Variants in TMEM237 observed in about 807,000 individuals in gnomAD.
TMEM237 encodes the protein amyotrophic lateral sclerosis 2 (juvenile) chromosome region, candidate 4.
TMEM237 carries 51 observed loss-of-function variants against 59.1 expected under a neutral mutation model. The observed-to-expected ratio is 0.86, with a 90% CI of 0.69 to 1.09. TMEM237 has a LOEUF of 1.09. Among genes scored for constraint, TMEM237 ranks in the 50% least tolerant of loss-of-function variants. TMEM237 has a pLI of 0.00. For missense variants in TMEM237, 475 were observed against 478.3 expected (o/e 0.99, Z 0.06); for synonymous variants, 140 against 166.1 (o/e 0.84, Z 1.21).
At chr2:201,642,705 A>G in intron 1 of TMEM237, 1 of 1,577,722 alleles carries the variant, frequency 6.3e-7, no homozygotes, top group Middle Eastern at 1.7e-4. Flanking sequence ...TCGCGCGCGC[A>G]GGCGCAATGC....
chr2:201,640,930 G>A lies in TMEM237; in HGVS notation c.43-6C>T, dbSNP rs886974025. The A allele has an allele frequency of 6.2e-6, 10 of 1,601,940 alleles. No homozygotes were observed. The Admixed American group carries it at 6.7e-5, about 11-fold the overall frequency. ...GGAAGAGCTCGTGGAGGACGCTGTGGCGGAAAAAATAAATTTGCTTGTAAG... is the reference window on the plus strand; with the variant it reads ...GGAAGAGCTCGTGGAGGACGCTGTGACGGAAAAAATAAATTTGCTTGTAAG... On this transcript the variant is annotated splice_polypyrimidine_tract_variant and splice_region_variant and intron_variant, in intron 1 of 12. Transcript: ENST00000409883.
At position 201,624,449 on chromosome 2, in the gene TMEM237, G is replaced by GT. The variant is rs1957739642; in HGVS notation, c.1160-128dup. Reference sequence around the variant, plus strand: ...ATATATACTAATAGAAAGCCCTCAAGTAAGATTTCTTGACAGTGAAATATG... The same window carrying GT: ...ATATATACTAATAGAAAGCCCTCAAGTTAAGATTTCTTGACAGTGAAATATG... On this transcript the variant is annotated intron_variant, in intron 12 of 12. Transcript: ENST00000409883. The GT allele has an allele frequency of 1.8e-5, 9 of 508,386 alleles. No homozygotes were observed. In the South Asian group the frequency reaches 4.6e-4, roughly 26 times the overall value. The allele number at this position is 508,386 out of a possible 1,614,324, so 31.5% of individuals were successfully genotyped here.
At position 201,635,864 on chromosome 2, in the gene TMEM237, C is replaced by A. The variant is rs1188551643; in HGVS notation, c.274+884G>T. On this transcript the variant is annotated intron_variant, in intron 5 of 12. Transcript: ENST00000409883. The surrounding 1 kb of genome is among the most constrained non-coding windows in gnomAD (Gnocchi z 4.5). ...AGACAACTTGATTTTGGACTTCTCACCTAAGAACTATGAAAAAATAAACTG... is the reference window on the plus strand; with the variant it reads ...AGACAACTTGATTTTGGACTTCTCAACTAAGAACTATGAAAAAATAAACTG... Among the ~76,000 whole-genome samples, 1 of 151,956 alleles carries A rather than the reference C, an allele frequency of 6.6e-6. No individual in the cohort carries two copies. The highest frequency in any genetic ancestry group is 2.4e-5 in the African/African-American group (1 of 41,366).
Position 201,643,223 on chromosome 2 carries a change from G to T in TMEM237, c.42+136C>A. 2.0e-6 allele frequency: 2 copies of T among 980,184 alleles called. No homozygotes were observed. The highest frequency in any genetic ancestry group is 3.0e-6 in the Non-Finnish European group (2 of 666,086). 60.7% of individuals were successfully genotyped at this position (980,184 alleles called of 1,614,324 possible). The stretch of plus-strand genomic sequence containing the variant: ...TCCTGTGAACACTGGAGGGGCGGAT[G>T]CGCGCACCCCACGAGCAAGGCCCTC... On this transcript the variant is annotated intron_variant, in intron 1 of 12. Coordinates refer to ENST00000409883, the MANE Select transcript of TMEM237 (RefSeq NM_001044385.3). The surrounding 1 kb of genome is among the most constrained non-coding windows in gnomAD (Gnocchi z 4.3).
intron 5 of TMEM237, among the ~76,000 whole-genome samples, chr2:201,634,109 G>A (rs1046659157): frequency 6.6e-6 from 1 of 151,632 alleles, no homozygotes; most frequent in Non-Finnish European, 1.5e-5. Flanking sequence ...AGTGTAGGGA[G>A]CTGTTTATCA....
rs1343319009 is a variant in TMEM237 at position 201,643,347 on chromosome 2, C to T, written c.42+12G>A. Reference sequence around the variant, plus strand: ...GCCACCTCTCGAGGCCGACGCGCCCCTCGCCGCTCACCAGGTGGCCCTCCT... The same window carrying T: ...GCCACCTCTCGAGGCCGACGCGCCCTTCGCCGCTCACCAGGTGGCCCTCCT... On this transcript the variant is annotated intron_variant, in intron 1 of 12. Coordinates refer to ENST00000409883, the MANE Select transcript of TMEM237 (RefSeq NM_001044385.3). This position sits in a 1 kb window ranked among gnomAD's most constrained non-coding sequence, Gnocchi z 4.3. The T allele has an allele frequency of 1.3e-6, 2 of 1,547,212 alleles. No individual in the cohort carries two copies. Among genetic ancestry groups the T allele is most frequent in the Non-Finnish European group, 1.7e-6 (2 of 1,145,434 alleles).
In TMEM237 at chr2:201,629,799, CTA is replaced by C. The variant is rs756970007; in HGVS notation, c.605_606del (p.Ile202ArgfsTer87). The C allele has an allele frequency of 4.3e-6, 7 of 1,613,566 alleles. No individual in the cohort carries two copies. The highest frequency in any genetic ancestry group is 5.9e-6 in the Non-Finnish European group (7 of 1,179,818). ...RSELIKTTEN[I>X]DVSMDVKPSW... The stretch of plus-strand genomic sequence containing the variant: ...GAAGGCTTCACGTCCATTGACACAT[CTA>C]TGTTTTCTGTGGTCTTTATCAACTC... On this transcript the variant is annotated frameshift_variant, in exon 8 of 13. Coordinates refer to ENST00000409883, the MANE Select transcript of TMEM237 (RefSeq NM_001044385.3). LOFTEE classifies it high-confidence loss of function.
In TMEM237 at chr2:201,633,995, C is replaced by T. The variant is rs117532505; in HGVS notation, c.275-564G>A. ...CTAGTCACATAAGCCTAGCACATAC[C>T]AAAATTCTGGATGCCCGGAAGGGAA... On this transcript the variant is annotated intron_variant, in intron 5 of 12. Coordinates refer to ENST00000409883, the MANE Select transcript of TMEM237 (RefSeq NM_001044385.3). Among the ~76,000 whole-genome samples the T allele has an allele frequency of 1.4e-3, 218 of 152,274 alleles. 6 individuals are homozygous for T. In the East Asian group the frequency reaches 0.038, roughly 26 times the overall value.
rs368648046 is a variant in TMEM237, at chr2:201,629,901, G to A, written c.554-49C>T. The A allele has an allele frequency of 3.2e-5, 50 of 1,577,598 alleles. No individual in the cohort carries two copies. The African/African-American group carries it at 6.6e-4, about 21-fold the overall frequency. ...TAACAACTAGCGAGAGAGAACCCTG[G>A]TAGCCATTTTTTTTTTTAAATTCCA... is the stretch of plus-strand genomic sequence containing the variant. On this transcript the variant is annotated intron_variant, in intron 7 of 12. Coordinates refer to ENST00000409883, the MANE Select transcript of TMEM237 (RefSeq NM_001044385.3).
At chr2:201,638,164 A>G (rs1459325979) in intron 4 of TMEM237, among the ~76,000 whole-genome samples, 1 of 152,218 alleles carries the variant, frequency 6.6e-6, no homozygotes, top group Admixed American at 6.5e-5. Context: ...TTATCATGTA[A>G]TACAATGAAG....
rs886055450 is a variant in TMEM237 at position 201,643,467 on chromosome 2, A to C, written c.-67T>G. The C allele has an allele frequency of 8.8e-6, 12 of 1,360,170 alleles. 1 individual carries two copies. Among genetic ancestry groups the C allele is most frequent in the Non-Finnish European group, 1.1e-5 (12 of 1,046,634 alleles). The allele number at this position is 1,360,170 out of a possible 1,614,324, so 84.3% of individuals were successfully genotyped here. A position where few individuals can be genotyped will look rare whatever the true frequency, so the allele number is the denominator to read the frequency against. ...GCCCGAGCCCAGCTCCCCGCGACGC[A>C]GCGGCCTCCGGGACCTGTGGGACGC... On this transcript the variant is annotated 5_prime_UTR_variant, in exon 1 of 13. Transcript: ENST00000409883. This position sits in a 1 kb window ranked among gnomAD's most constrained non-coding sequence, Gnocchi z 4.3.
At chr2:201,625,287 G>A (rs1036881723) in intron 12 of TMEM237, among the ~76,000 whole-genome samples, 5 of 151,982 alleles carry the variant, frequency 3.3e-5, no homozygotes, top group African/African-American at 4.8e-5. Context: ...ACATGAACCC[G>A]GGAGGCGGAG....
At chr2:201,640,855 TA>T in intron 2 of TMEM237, 37 bp downstream of exon 2, 1 of 1,516,046 alleles carries the variant, frequency 6.6e-7, no homozygotes, top group Non-Finnish European at 9.0e-7. Context: ...TTTCCATTTT[TA>T]AAGCTCAATA....
At chr2:201,633,211 A>G in intron 6 of TMEM237, 100 bp downstream of exon 6, 4 of 1,205,100 alleles carry the variant, frequency 3.3e-6, no homozygotes, top group Non-Finnish European at 4.4e-6. Context: ...CACAAATACA[A>G]GTATGTAATA....
chr2:201,639,274 A>C (rs1293984140), intron 3 of TMEM237, among the ~76,000 whole-genome samples: 1 of 152,204 alleles, frequency 6.6e-6, no homozygotes, highest in Admixed American at 6.5e-5. Flanking sequence ...ATGACACAGA[A>C]AGTGGGTTCA....
In TMEM237 at chr2:201,643,336, C is replaced by T. The variant is rs1422808092; in HGVS notation, c.42+23G>A. On this transcript the variant is annotated intron_variant, in intron 1 of 12. Transcript: ENST00000409883. The surrounding 1 kb of genome is among the most constrained non-coding windows in gnomAD (Gnocchi z 4.3). ...GCTGTTTACCCGCCACCTCTCGAGG[C>T]CGACGCGCCCCTCGCCGCTCACCAG... 1 of 1,542,298 alleles carries T rather than the reference C, an allele frequency of 6.5e-7. No homozygotes were observed. Among genetic ancestry groups the T allele is most frequent in the South Asian group, 1.2e-5 (1 of 83,678 alleles).
At chr2:201,627,751 G>A (rs1476502340) in intron 10 of TMEM237, among the ~76,000 whole-genome samples, 1 of 152,066 alleles carries the variant, frequency 6.6e-6, no homozygotes, top group African/African-American at 2.4e-5. Context: ...CAAATGATCA[G>A]AAAGATATAA....
At chr2:201,641,142 C>T (rs1055791568) in intron 1 of TMEM237, among the ~76,000 whole-genome samples, 2 of 152,136 alleles carry the variant, frequency 1.3e-5, no homozygotes, top group African/African-American at 2.4e-5. Flanking sequence ...CAGGCACCCA[C>T]CACCATGCCC....
chr2:201,627,557 T>C (rs775294477), intron 10 of TMEM237, 143 bp from the exon 11 acceptor site: 15 of 566,836 alleles, frequency 2.6e-5, no homozygotes, highest in South Asian at 1.4e-4. Flanking sequence ...TATATTTCAA[T>C]AGGCCAGACA....
Sources: allele counts gnomAD v4.1 joint callset (sites outside exome capture counted in the v4.1 genomes callset), GRCh38; gene constraint gnomAD v4.1.1; non-coding constraint Gnocchi (gnomAD v3.1); transcripts MANE v1.5; gene names NCBI Gene and HGNC (gene_info 2026-07-23, HGNC 2026-07-21).